NAA16: variants seen among roughly 807,000 people sequenced by gnomAD.
NAA16 encodes the protein NARG1-like protein.
NAA16 carries 97 observed loss-of-function variants against 110.3 expected under a neutral mutation model. The observed-to-expected ratio is 0.88, with a 90% confidence interval of 0.75 to 1.04. NAA16 has a LOEUF of 1.04. Among genes scored for constraint, NAA16 ranks in the 50% least tolerant of loss-of-function variants. NAA16 has a pLI of 0.00. For synonymous variants in NAA16, 372 were observed against 330.6 expected (o/e 1.13, Z -1.36); for missense variants, 1,017 against 1,005.1 (o/e 1.01, Z -0.16).
rs763778573 is a variant in NAA16, at chr13:41,358,854, A to G, written c.1302A>G (p.Ala434=). The G allele has an allele frequency of 5.0e-6, 8 of 1,610,790 alleles. No homozygotes were observed. The East Asian group carries it at 1.6e-4, about 31-fold the overall frequency. Residue 434 remains alanine (A), a synonymous_variant, in exon 12 of 20, where the codon GCA becomes GCG. Transcript: ENST00000379406. ...LKEAAKWMDE[A]QSLDTADRFI... ...AAGCTGCAAAGTGGATGGATGAAGC[A>G]CAGTCTTTGGACACAGCTGATAGAT...
chr13:41,360,039 C>T (rs1202564411), intron 12 of NAA16, among the ~76,000 whole-genome samples: 1 of 152,154 alleles, frequency 6.6e-6, no homozygotes. Flanking sequence ...TCAAAGTCTT[C>T]AATGCCCTTT....
intron 12 of NAA16, among the ~76,000 whole-genome samples, chr13:41,360,567 A>C (rs893428674): frequency 3.3e-5 from 5 of 152,192 alleles, no homozygotes; most frequent in Admixed American, 2.0e-4. Flanking sequence ...CAGCTTGCTC[A>C]TCATAACTGC....
chr13:41,350,681 C>T (rs1263297746), intron 9 of NAA16, among the ~76,000 whole-genome samples: 2 of 147,172 alleles, frequency 1.4e-5, no homozygotes, highest in African/African-American at 2.5e-5. Flanking sequence ...AGCACAATGG[C>T]GCAATCTTGG....
chr13:41,341,044 T>C (rs2042531519), intron 9 of NAA16, among the ~76,000 whole-genome samples: 1 of 152,156 alleles, frequency 6.6e-6, no homozygotes, highest in African/African-American at 2.4e-5. Flanking sequence ...TATGTTTTCT[T>C]TTACGAAATG....
intron 14 of NAA16, 125 bp downstream of exon 14, chr13:41,367,777 C>T (rs564444704): frequency 2.4e-5 from 15 of 613,252 alleles, no homozygotes; most frequent in Admixed American, 7.7e-5. Flanking sequence ...CATTAGATAA[C>T]TCATATGCCA....
chr13:41,320,221 G>A (rs542766853), intron 3 of NAA16, among the ~76,000 whole-genome samples: 1 of 152,258 alleles, frequency 6.6e-6, no homozygotes, highest in South Asian at 2.1e-4. Flanking sequence ...AGAATTGGTT[G>A]ACTAAATTTG....
intron 9 of NAA16, among the ~76,000 whole-genome samples, chr13:41,339,597 G>A (rs1345901581): frequency 1.3e-5 from 2 of 151,834 alleles, no homozygotes; most frequent in Admixed American, 6.6e-5. Context: ...CCACTCTGTC[G>A]CCCAGGCTAG....
chr13:41,325,723 A>T lies in NAA16; in HGVS notation c.563A>T (p.Glu188Val), dbSNP rs1422818391. 6.3e-7 allele frequency: 1 copy of T among 1,587,026 alleles called. No individual in the cohort carries two copies. The highest frequency in any genetic ancestry group is 8.6e-7 in the Non-Finnish European group (1 of 1,163,358). The change falls in exon 6 of 20, where the codon GAA (glutamate) becomes GTA (valine). Residue 188 changes from glutamate (E) to valine (V), a missense_variant. Coordinates refer to ENST00000379406, the MANE Select transcript of NAA16 (RefSeq NM_024561.5). ...GTTCCTCCAAACAAAATAGATTATG[A>T]ATATAGTGAATTGATATTATACCAG... ...QQVPPNKIDY[E>V]YSELILYQNQ...
chr13:41,371,295 A>G (rs2043311959), intron 15 of NAA16, among the ~76,000 whole-genome samples: 1 of 152,224 alleles, frequency 6.6e-6, no homozygotes, highest in African/African-American at 2.4e-5. Context: ...TTTGACTTTT[A>G]TGACATGGAC....
intron 2 of NAA16, among the ~76,000 whole-genome samples, chr13:41,318,007 A>C (rs968853491): frequency 2.0e-5 from 3 of 152,202 alleles, no homozygotes; most frequent in Non-Finnish European, 2.9e-5. Flanking sequence ...TAAACTTGCT[A>C]TCAAAAATGA....
chr13:41,340,078 A>G (rs1004796876), intron 9 of NAA16, among the ~76,000 whole-genome samples: 3 of 152,148 alleles, frequency 2.0e-5, no homozygotes, highest in African/African-American at 4.8e-5. Context: ...ATATATTTAT[A>G]TCCCTTTTAA....
chr13:41,354,290 A>G (rs1384247655), intron 9 of NAA16, among the ~76,000 whole-genome samples: 1 of 152,198 alleles, frequency 6.6e-6, no homozygotes, highest in Admixed American at 6.5e-5. Flanking sequence ...TCTTTGTGGC[A>G]TGAGGAGTAA....
chr13:41,349,177 TC>T (rs1267350397), intron 9 of NAA16, among the ~76,000 whole-genome samples: 8 of 152,214 alleles, frequency 5.3e-5, no homozygotes, highest in African/African-American at 1.9e-4. Flanking sequence ...AATTTTTTTT[TC>T]TTTTTCTTTT....
chr13:41,374,020 T>C, intron 18 of NAA16: 2 of 387,158 alleles, frequency 5.2e-6, no homozygotes. Context: ...AATACTTTTA[T>C]AATAAATGTG....
At chr13:41,356,736 AAC>A (rs1416644690) in intron 10 of NAA16, among the ~76,000 whole-genome samples, 1 of 152,228 alleles carries the variant, frequency 6.6e-6, no homozygotes, top group Non-Finnish European at 1.5e-5. Context: ...CTTTCAAAAA[AAC>A]AGTCATTTGT....
chr13:41,336,858 T>G, intron 9 of NAA16, 102 bp downstream of exon 9: 1 of 605,408 alleles, frequency 1.7e-6, no homozygotes, highest in Non-Finnish European at 2.7e-6. Flanking sequence ...TTTTCTTTGT[T>G]TCAGTAATGT....
intron 10 of NAA16, among the ~76,000 whole-genome samples, chr13:41,356,137 G>A (rs965333756): frequency 6.6e-6 from 1 of 152,172 alleles, no homozygotes; most frequent in African/African-American, 2.4e-5. Context: ...GTGCCACCAT[G>A]CCTAGCTGAT....
In NAA16 at chr13:41,329,681, ATTTAG is replaced by A. The variant is rs200995818; in HGVS notation, c.811+843_811+847del. 4.4e-3 allele frequency among the ~76,000 whole-genome samples: 666 copies of A among 152,036 alleles called. 6 individuals are homozygous for A. The highest frequency in any genetic ancestry group is 0.015 in the African/African-American group (630 of 41,538). On this transcript the variant is annotated intron_variant, in intron 7 of 19. Transcript: ENST00000379406. ...AATTTAACACTACAAATTGTTAAAA[ATTTAG>A]TTTAAGAAAATGATTAAAATCACAA...
rs1038899984 is a variant in NAA16, at chr13:41,376,370, G to A, written c.*768G>A. 8 of 152,086 alleles carry A rather than the reference G, an allele frequency of 5.3e-5. No homozygotes were observed. Among genetic ancestry groups the A allele is most frequent in the Non-Finnish European group, 5.9e-5 (4 of 68,006 alleles). The allele number at this position is 152,086 out of a possible 1,614,324, so 9.4% of individuals were successfully genotyped here. The stretch of plus-strand genomic sequence containing the variant: ...CCTTTTTTCATTGTAATATTTCATG[G>A]TTTACTATTTCCTTTTAGTATTCAT... On this transcript the variant is annotated 3_prime_UTR_variant, in exon 20 of 20. Coordinates refer to ENST00000379406, the MANE Select transcript of NAA16 (RefSeq NM_024561.5).
Sources: gnomAD v4.1 joint callset for allele counts (sites outside exome capture counted in the v4.1 genomes callset) on GRCh38, gnomAD v4.1.1 for gene constraint, MANE v1.5 for transcripts, NCBI Gene and HGNC (gene_info 2026-07-23, HGNC 2026-07-21) for gene names.